The following OVCH1 variants were observed in gnomAD, a reference collection of about 807,000 sequenced individuals.
OVCH1 encodes the protein ovochymase-1.
In OVCH1, 139 loss-of-function variants were observed where a neutral mutation model predicts 138.4. That is an observed-to-expected ratio of 1.00 (90% CI 0.87 to 1.16). The LOEUF (loss-of-function observed/expected upper bound fraction) is 1.16. OVCH1 is among the 50% of genes most tolerant of loss of function. The probability of loss-of-function intolerance (pLI) is 0.00; values close to 1 mark genes in which losing one functional copy is unlikely to be tolerated. For synonymous variants in OVCH1, 453 were observed against 467.8 expected (o/e 0.97, Z 0.41); for missense variants, 1,367 against 1,357.9 (o/e 1.01, Z -0.11).
downstream of OVCH1, among the ~76,000 whole-genome samples, chr12:29,410,788 C>G (rs1940944405): frequency 6.6e-6 from 1 of 151,362 alleles, no homozygotes; most frequent in Admixed American, 6.6e-5. Flanking sequence ...AATTATGTTT[C>G]TTGGAGTTGC....
chr12:29,465,047 G>A, intron 17 of OVCH1, 100 bp downstream of exon 17: 2 of 1,000,120 alleles, frequency 2.0e-6, no homozygotes, highest in South Asian at 1.6e-5. Flanking sequence ...AAGGGCCCTA[G>A]GAGATTAATA....
chr12:29,473,890 G>T (rs1942601524), intron 14 of OVCH1, among the ~76,000 whole-genome samples: 1 of 152,058 alleles, frequency 6.6e-6, no homozygotes, highest in Admixed American at 6.6e-5. Flanking sequence ...TGTAAACAGA[G>T]ATGGGCCTAG....
chr12:29,416,955 T>G (rs1469752449), intron 3 of OVCH1, among the ~76,000 whole-genome samples: 1 of 152,196 alleles, frequency 6.6e-6, no homozygotes, highest in Non-Finnish European at 1.5e-5. Flanking sequence ...ATTCATACCA[T>G]GGAATGCTAT....
chr12:29,420,240 G>A (rs1354718207), intron 3 of OVCH1, among the ~76,000 whole-genome samples: 1 of 152,110 alleles, frequency 6.6e-6, no homozygotes, highest in African/African-American at 2.4e-5. Context: ...TTCTTTCCAA[G>A]AGCATTCTTT....
rs1264930903 is a variant in OVCH1, at chr12:29,439,194, CTAGAAGCTCAAAGTCCTTTGCCTT to C, written c.3264+110_3264+133del. The C allele has an allele frequency of 1.1e-4, 79 of 721,440 alleles. 1 individual carries two copies. In the East Asian group the frequency reaches 2.3e-3, roughly 21 times the overall value. The allele number at this position is 721,440 out of a possible 1,614,324, so 44.7% of individuals were successfully genotyped here. On this transcript the variant is annotated intron_variant, in intron 26 of 27. Coordinates refer to ENST00000318184, the Ensembl canonical transcript of OVCH1. ...TTCACCTTCCTACAATATGCCACCC[CTAGAAGCTCAAAGTCCTTTGCCTT>C]TAGAAGCTCAAAGTCCTTTTCCTTT...
intron 27 of OVCH1, among the ~76,000 whole-genome samples, chr12:29,428,176 C>T (rs551344045): frequency 6.6e-6 from 1 of 152,126 alleles, no homozygotes; most frequent in Non-Finnish European, 1.5e-5. Context: ...CCACTCTCCT[C>T]CCTCTCTTGG....
chr12:29,478,897 T>C (rs921516459), exon 9 of OVCH1: 2 of 1,586,316 alleles, frequency 1.3e-6, no homozygotes, highest in Non-Finnish European at 8.6e-7. Flanking sequence ...AACTTGCTTT[T>C]CCATGTCTAA....
chr12:29,479,300 G>A (rs750015555), intron 8 of OVCH1, among the ~76,000 whole-genome samples: 7 of 152,136 alleles, frequency 4.6e-5, no homozygotes, highest in African/African-American at 7.2e-5. Context: ...TATTCACCCA[G>A]AGGTTGAATT....
chr12:29,413,689 C>CACACA (rs1354131856), intron 3 of OVCH1, among the ~76,000 whole-genome samples: 1 of 147,022 alleles, frequency 6.8e-6, no homozygotes, highest in Admixed American at 6.8e-5. Flanking sequence ...CACACACACA[C>CACACA]ATTGGTTTTC....
chr12:29,435,844 C>T (rs1941349267), intron 26 of OVCH1, among the ~76,000 whole-genome samples: 1 of 152,088 alleles, frequency 6.6e-6, no homozygotes, highest in African/African-American at 2.4e-5. Context: ...TCCATTTCAG[C>T]TTGTAGAACA....
intron 26 of OVCH1, among the ~76,000 whole-genome samples, chr12:29,437,780 T>C (rs1264854797): frequency 6.6e-6 from 1 of 152,180 alleles, no homozygotes; most frequent in African/African-American, 2.4e-5. Context: ...AGGCTAATGG[T>C]TAATCCTGTG....
At chr12:29,426,265 A>G (rs545355186), downstream of OVCH1, among the ~76,000 whole-genome samples, 486 of 152,234 alleles carry the variant, frequency 3.2e-3, 1 homozygote, top group Non-Finnish European at 5.5e-3. Context: ...AAATCCATCA[A>G]CCCTTTAAAA....
intron 16 of OVCH1, among the ~76,000 whole-genome samples, chr12:29,470,207 ATTT>A (rs1443989427): frequency 6.6e-6 from 1 of 152,040 alleles, no homozygotes; most frequent in African/African-American, 2.4e-5. Flanking sequence ...TTAGCATAGT[ATTT>A]TTTTCTCTTT....
intron 22 of OVCH1, among the ~76,000 whole-genome samples, chr12:29,446,447 A>G (rs1415872569): frequency 1.3e-5 from 2 of 152,166 alleles, no homozygotes; most frequent in African/African-American, 2.4e-5. Flanking sequence ...AGCATTTTAT[A>G]GTAAAGAATG....
chr12:29,433,419 T>A (rs1272246057), intron 27 of OVCH1, among the ~76,000 whole-genome samples: 1 of 152,212 alleles, frequency 6.6e-6, no homozygotes, highest in Non-Finnish European at 1.5e-5. Context: ...CCGCCATGAT[T>A]ATGAGGCCTC....
intron 9 of OVCH1, 116 bp from the exon 11 acceptor site, chr12:29,477,594 T>A (rs771255130): frequency 1.2e-6 from 2 of 1,612,556 alleles, no homozygotes; most frequent in Non-Finnish European, 1.7e-6. Context: ...CACACTAAAC[T>A]ATTTAATGGT....
At position 29,419,626 on chromosome 12, in the gene OVCH1, T is replaced by G. The variant is rs113261523; in HGVS notation, c.*71+3501A>C. On this transcript the variant is annotated intron_variant and NMD_transcript_variant, in intron 3 of 4. Transcript: ENST00000539117. ...TATGATTTTTAAGATGCATGATGCC[T>G]CAAGATAATGATTCTGTGCATTATT... Among the ~76,000 whole-genome samples the G allele has an allele frequency of 1.7e-3, 254 of 152,168 alleles. 2 individuals carry two copies. The highest frequency in any genetic ancestry group is 5.7e-3 in the African/African-American group (238 of 41,514).
downstream of OVCH1, among the ~76,000 whole-genome samples, chr12:29,423,730 T>C (rs1413950980): frequency 6.6e-6 from 1 of 152,196 alleles, no homozygotes; most frequent in Non-Finnish European, 1.5e-5. Flanking sequence ...TAAGTTCTCC[T>C]AAAATAAAAC....
At chr12:29,448,486 A>G (rs1473449076) in intron 22 of OVCH1, among the ~76,000 whole-genome samples, 1 of 152,020 alleles carries the variant, frequency 6.6e-6, no homozygotes, top group Admixed American at 6.6e-5. Flanking sequence ...CAAGGATGAG[A>G]AGGAGCTCTT....
Sources: allele counts gnomAD v4.1 joint callset (sites outside exome capture counted in the v4.1 genomes callset), GRCh38; gene constraint gnomAD v4.1.1; transcripts MANE v1.5; gene names NCBI Gene and HGNC (gene_info 2026-07-23, HGNC 2026-07-21).